CFAP20DC: variants seen among roughly 807,000 people sequenced by gnomAD.
CFAP20DC encodes the protein protein CFAP20DC.
CFAP20DC carries 84 observed loss-of-function variants against 101.7 expected under a neutral mutation model. The observed-to-expected ratio is 0.83, with a 90% confidence interval of 0.69 to 0.99. CFAP20DC has a LOEUF of 0.99. Among genes scored for constraint, CFAP20DC ranks in the 50% least tolerant of loss-of-function variants. The pLI is 0.00. For synonymous variants in CFAP20DC, 359 were observed against 351.2 expected (o/e 1.02, Z -0.25); for missense variants, 1,007 against 970.3 (o/e 1.04, Z -0.50).
chr3:58,758,067 A>G lies in CFAP20DC; in HGVS notation c.2238-4204T>C, dbSNP rs535751285. On this transcript the variant is annotated intron_variant, in intron 15 of 16. Transcript: ENST00000482387. Reference sequence around the variant, plus strand: ...AAATTTATGTATCTAGAACTGTTACATCTTTTGGGACCACAGAACACACCT... The same window carrying G: ...AAATTTATGTATCTAGAACTGTTACGTCTTTTGGGACCACAGAACACACCT... Among the ~76,000 whole-genome samples the G allele has an allele frequency of 2.8e-4, 42 of 152,236 alleles. 3 individuals carry two copies. In the East Asian group the frequency reaches 6.9e-3, roughly 25 times the overall value.
chr3:58,759,143 C>T (rs1378381013), intron 15 of CFAP20DC, among the ~76,000 whole-genome samples: 1 of 152,108 alleles, frequency 6.6e-6, no homozygotes, highest in Admixed American at 6.5e-5. Context: ...AACTAGTTTA[C>T]AGTCCCACCA....
At chr3:58,872,328 AGCT>A (rs2080296092) in intron 7 of CFAP20DC, among the ~76,000 whole-genome samples, 2 of 151,956 alleles carry the variant, frequency 1.3e-5, no homozygotes, top group Non-Finnish European at 2.9e-5. Context: ...TCTGCTGTAG[AGCT>A]ATAATTTTAC....
intron 4 of CFAP20DC, among the ~76,000 whole-genome samples, chr3:58,958,761 G>C (rs2090879571): frequency 6.6e-6 from 1 of 151,794 alleles, no homozygotes; most frequent in African/African-American, 2.4e-5. Context: ...TTTTTTCTGT[G>C]AAATGCCTAT....
chr3:58,886,383 A>C (rs566598257), intron 6 of CFAP20DC, among the ~76,000 whole-genome samples: 1 of 152,272 alleles, frequency 6.6e-6, no homozygotes, highest in African/African-American at 2.4e-5. Context: ...TTAAATGAAA[A>C]AAACAGATAC....
At chr3:58,845,245 A>G (rs2077521694) in intron 13 of CFAP20DC, among the ~76,000 whole-genome samples, 1 of 151,184 alleles carries the variant, frequency 6.6e-6, no homozygotes, top group African/African-American at 2.4e-5. Flanking sequence ...GAAAGGATCA[A>G]CAAAATTGAT....
In CFAP20DC at chr3:58,886,443, G is replaced by A. The variant is rs186079309; in HGVS notation, c.551-1734C>T. Among the ~76,000 whole-genome samples the A allele has an allele frequency of 5.4e-3, 818 of 152,176 alleles. 7 individuals are homozygous for A. Among genetic ancestry groups the A allele is most frequent in the South Asian group, 0.018 (88 of 4,824 alleles). On this transcript the variant is annotated intron_variant, in intron 6 of 16. Transcript: ENST00000482387. ...AAATAAATTTATAAAATGTATGAAT[G>A]GGTTGGGTGTGGTGGCTCCAGTGTG...
chr3:58,968,205 G>A (rs1433964110), intron 4 of CFAP20DC, among the ~76,000 whole-genome samples: 1 of 152,064 alleles, frequency 6.6e-6, no homozygotes, highest in African/African-American at 2.4e-5. Flanking sequence ...AGGATGATTT[G>A]TATTCCTTTG....
chr3:59,034,403 T>C (rs1208054343), intron 4 of CFAP20DC, among the ~76,000 whole-genome samples: 1 of 152,120 alleles, frequency 6.6e-6, no homozygotes, highest in Non-Finnish European at 1.5e-5. Flanking sequence ...GTCTGGCAAA[T>C]TGGATGAAGA....
rs2079219583 is a variant in CFAP20DC, at chr3:58,861,198, C to T, written c.1593+2360G>A. On this transcript the variant is annotated intron_variant, in intron 12 of 16. Coordinates refer to ENST00000482387, the MANE Select transcript of CFAP20DC (RefSeq NM_001394063.1). The surrounding 1 kb of genome is among the most constrained non-coding windows in gnomAD (Gnocchi z 4.0). Reference sequence around the variant, plus strand: ...CTAGTTTATATGTTACTAAATACATCTCATTTTCCTTTAAAAATACTCAAT... The same window carrying T: ...CTAGTTTATATGTTACTAAATACATTTCATTTTCCTTTAAAAATACTCAAT... 3.7e-6 allele frequency: 1 copy of T among 272,918 alleles called. No individual in the cohort carries two copies. The highest frequency in any genetic ancestry group is 5.6e-6 in the Non-Finnish European group (1 of 178,588). 16.9% of individuals were successfully genotyped at this position (272,918 alleles called of 1,614,324 possible). A position where few individuals can be genotyped will look rare whatever the true frequency, so the allele number is the denominator to read the frequency against.
chr3:58,757,310 T>C (rs73837949), intron 15 of CFAP20DC, among the ~76,000 whole-genome samples: 3,704 of 152,172 alleles, frequency 0.024, 157 homozygotes, highest in African/African-American at 0.084. Context: ...GTTCTCATTA[T>C]ACGTGGAGTT....
intron 12 of CFAP20DC, among the ~76,000 whole-genome samples, chr3:58,851,719 T>G (rs72881634): frequency 0.037 from 5,694 of 152,240 alleles, 136 homozygotes; most frequent in African/African-American, 0.073. Context: ...ACCACGTCGA[T>G]GTACTCTTTT....
chr3:58,891,991 T>C (rs867482596), intron 6 of CFAP20DC, among the ~76,000 whole-genome samples: 2 of 152,232 alleles, frequency 1.3e-5, no homozygotes, highest in African/African-American at 2.4e-5. Context: ...CTTTAATCCA[T>C]CTTGAGTTGA....
At chr3:58,954,821 C>A (rs1459838496) in intron 4 of CFAP20DC, among the ~76,000 whole-genome samples, 1 of 152,080 alleles carries the variant, frequency 6.6e-6, no homozygotes, top group Non-Finnish European at 1.5e-5. Flanking sequence ...ACATTCTTTA[C>A]AATGCATATT....
At chr3:58,718,936 C>T (rs1406662284) in intron 3 of CFAP20DC, among the ~76,000 whole-genome samples, 1 of 152,106 alleles carries the variant, frequency 6.6e-6, no homozygotes, top group Non-Finnish European at 1.5e-5. Flanking sequence ...AGGAAAGCCA[C>T]AATTTTTGAA....
At chr3:58,772,104 T>C (rs1436016543) in intron 15 of CFAP20DC, among the ~76,000 whole-genome samples, 2 of 152,202 alleles carry the variant, frequency 1.3e-5, no homozygotes, top group Non-Finnish European at 2.9e-5. Flanking sequence ...CAGAGAAATT[T>C]TGTTTCTTGT....
Position 58,731,479 on chromosome 3 carries a change from T to C in CFAP20DC, c.198-13851A>G, listed in dbSNP as rs866376154. Among the ~76,000 whole-genome samples the C allele has an allele frequency of 2.4e-4, 37 of 152,272 alleles. No individual in the cohort carries two copies. In the Middle Eastern group the frequency reaches 0.01, roughly 42 times the overall value. ...CCTTTGGTGCCAGCAAAAAAGGTGG[T>C]AGCTCAGGATGCTAGGTTACTATAA... On this transcript the variant is annotated intron_variant, in intron 3 of 3. Transcript: ENST00000486145.
chr3:58,772,849 T>C (rs1206968770), intron 15 of CFAP20DC, among the ~76,000 whole-genome samples: 1 of 152,196 alleles, frequency 6.6e-6, no homozygotes, highest in Non-Finnish European at 1.5e-5. Context: ...AAAAAATATA[T>C]GCATAACAAT....
At chr3:58,903,496 G>C (rs1002011645) in intron 6 of CFAP20DC, among the ~76,000 whole-genome samples, 1 of 151,596 alleles carries the variant, frequency 6.6e-6, no homozygotes, top group Admixed American at 6.6e-5. Context: ...ATCCAAGACT[G>C]GGTAATTTAT....
Position 58,948,359 on chromosome 3 carries a change from C to A in CFAP20DC, c.279-10597G>T, listed in dbSNP as rs1333015278. On this transcript the variant is annotated intron_variant, in intron 4 of 16. Transcript: ENST00000482387. ...GCTCCTCCCTGAAAACTTCTTCGAT[C>A]TCCAGATTTTAATCACATTTTTTAT... 2.0e-5 allele frequency among the ~76,000 whole-genome samples: 3 copies of A among 152,310 alleles called. No individual in the cohort carries two copies. The South Asian group carries it at 6.2e-4, about 32-fold the overall frequency.
Sources: gnomAD v4.1 joint callset for allele counts (sites outside exome capture counted in the v4.1 genomes callset) on GRCh38, gnomAD v4.1.1 for gene constraint, Gnocchi (gnomAD v3.1) non-coding constraint, MANE v1.5 for transcripts, NCBI Gene and HGNC (gene_info 2026-07-23, HGNC 2026-07-21) for gene names.